The following HMGCLL1 variants were observed in gnomAD, a reference collection of about 807,000 sequenced individuals.
HMGCLL1 encodes 3-hydroxy-3-methylglutaryl-CoA lyase like 1, also known as 3-hydroxymethyl-3-methylglutaryl-CoA lyase, cytoplasmic.
In HMGCLL1, 36 loss-of-function variants were observed where a neutral mutation model predicts 39.1. That is an observed-to-expected ratio of 0.92 (90% CI 0.71 to 1.22). HMGCLL1 has a LOEUF of 1.22. Ranked by LOEUF, HMGCLL1 falls within the 50% of genes most tolerant of loss-of-function variation. The probability of loss-of-function intolerance (pLI) is 0.00; values close to 1 mark genes in which losing one functional copy is unlikely to be tolerated. For synonymous variants in HMGCLL1, 149 were observed against 144.0 expected, an observed-to-expected ratio of 1.03 and a Z score of -0.25; for missense variants, 451 against 416.5, an observed-to-expected ratio of 1.08 and a Z score of -0.72.
chr6:55,609,565 C>T, the HMGCLL1 span, among the ~76,000 whole-genome samples: 2 of 152,132 alleles, frequency 1.3e-5, no homozygotes, highest in African/African-American at 4.8e-5. Context: ...TAACCATAGC[C>T]TCCATGGACC....
the HMGCLL1 span, among the ~76,000 whole-genome samples, chr6:55,678,866 A>G: frequency 2.0e-5 from 3 of 152,222 alleles, no homozygotes; most frequent in Non-Finnish European, 4.4e-5. Flanking sequence ...AAGCATTATT[A>G]AATATTATTG....
At chr6:55,643,704 G>T in the HMGCLL1 span, among the ~76,000 whole-genome samples, 1 of 152,004 alleles carries the variant, frequency 6.6e-6, no homozygotes, top group Admixed American at 6.6e-5. Flanking sequence ...GTGAGAACAT[G>T]CAATGTTTGT....
the HMGCLL1 span, among the ~76,000 whole-genome samples, chr6:55,667,402 G>A: frequency 1.3e-5 from 2 of 151,770 alleles, no homozygotes; most frequent in East Asian, 1.9e-4. Flanking sequence ...AATCCTCTCA[G>A]TAATTCTATA....
chr6:55,570,461 C>T (rs1053682546), intron 1 of HMGCLL1, among the ~76,000 whole-genome samples: 1 of 152,160 alleles, frequency 6.6e-6, no homozygotes, highest in Non-Finnish European at 1.5e-5. Flanking sequence ...CTTGAAGACT[C>T]CCACTTCTTT....
At chr6:55,530,465 A>G (rs1273293315) in intron 3 of HMGCLL1, among the ~76,000 whole-genome samples, 1 of 152,084 alleles carries the variant, frequency 6.6e-6, no homozygotes, top group Non-Finnish European at 1.5e-5. Flanking sequence ...TATAATTCCA[A>G]TCAGTGATGA....
chr6:55,468,210 T>C (rs987489273), intron 7 of HMGCLL1, among the ~76,000 whole-genome samples: 10 of 152,034 alleles, frequency 6.6e-5, no homozygotes, highest in African/African-American at 1.9e-4. Context: ...ACGATGTATA[T>C]TGTAAGGCAA....
chr6:55,599,130 GA>G, the HMGCLL1 span, among the ~76,000 whole-genome samples: 1 of 152,082 alleles, frequency 6.6e-6, no homozygotes, highest in Non-Finnish European at 1.5e-5. Context: ...CGGGGCTAGG[GA>G]AGGGATAGCA....
intron 1 of HMGCLL1, among the ~76,000 whole-genome samples, chr6:55,548,144 A>T (rs545849226): frequency 2.0e-5 from 3 of 152,072 alleles, no homozygotes; most frequent in African/African-American, 7.2e-5. Context: ...TTAACTTACT[A>T]CATCAAAAAG....
chr6:55,553,267 G>GTGTGTGTGTGTGTGTGTA (rs1278805027), intron 1 of HMGCLL1, among the ~76,000 whole-genome samples: 2 of 151,046 alleles, frequency 1.3e-5, no homozygotes, highest in Non-Finnish European at 3.0e-5. Flanking sequence ...GTGTGTGTGT[G>GTGTGTGTGTGTGTGTGTA]TGTATGTATG....
At chr6:55,541,332 C>G (rs1450334380) in intron 3 of HMGCLL1, among the ~76,000 whole-genome samples, 9 of 152,150 alleles carry the variant, frequency 5.9e-5, no homozygotes, top group Admixed American at 5.9e-4. Context: ...CCATTTCTCA[C>G]TCTTCAATAT....
chr6:55,591,439 G>C, the HMGCLL1 span, among the ~76,000 whole-genome samples: 46 of 152,024 alleles, frequency 3.0e-4, no homozygotes, highest in African/African-American at 1.1e-3. Context: ...AATCATGCCT[G>C]GTGGGGGTGG....
chr6:55,468,772 G>A (rs1169120488), intron 7 of HMGCLL1, among the ~76,000 whole-genome samples: 1 of 151,916 alleles, frequency 6.6e-6, no homozygotes, highest in Non-Finnish European at 1.5e-5. Context: ...TAGAGGCAGT[G>A]CTTGTAACTA....
intron 1 of HMGCLL1, among the ~76,000 whole-genome samples, chr6:55,557,924 T>G (rs968289379): frequency 1.3e-5 from 2 of 152,096 alleles, no homozygotes; most frequent in African/African-American, 4.8e-5. Context: ...GCTGAACAAG[T>G]GAGAAACAGG....
chr6:55,543,461 C>CATATATCTATATGATATATATG (rs1491548543), intron 1 of HMGCLL1, among the ~76,000 whole-genome samples: 1 of 91,094 alleles, frequency 1.1e-5, no homozygotes, highest in African/African-American at 4.8e-5. Flanking sequence ...TGATATATAT[C>CATATATCTATATGATATATATG]ATATATATCA....
At chr6:55,612,292 A>G in the HMGCLL1 span, among the ~76,000 whole-genome samples, 1 of 152,180 alleles carries the variant, frequency 6.6e-6, no homozygotes, top group South Asian at 2.1e-4. Flanking sequence ...TCAAGGAAAT[A>G]AGAGAGGACA....
chr6:55,567,407 A>C (rs2127474099), intron 1 of HMGCLL1, among the ~76,000 whole-genome samples: 1 of 152,182 alleles, frequency 6.6e-6, no homozygotes, highest in Non-Finnish European at 1.5e-5. Flanking sequence ...CACACACACA[A>C]CTAAATGAAT....
At chr6:55,452,778 C>T (rs1764157451) in intron 7 of HMGCLL1, among the ~76,000 whole-genome samples, 2 of 152,056 alleles carry the variant, frequency 1.3e-5, no homozygotes, top group Non-Finnish European at 1.5e-5. Flanking sequence ...TTTTTGTTTA[C>T]GGTAGCCTGA....
intron 7 of HMGCLL1, among the ~76,000 whole-genome samples, chr6:55,482,153 G>T (rs1222048676): frequency 4.6e-5 from 7 of 152,182 alleles, no homozygotes; most frequent in African/African-American, 1.4e-4. Context: ...CTTTAAGTAA[G>T]CAAACAAACA....
the HMGCLL1 span, among the ~76,000 whole-genome samples, chr6:55,611,283 C>T: frequency 6.6e-6 from 1 of 152,136 alleles, no homozygotes; most frequent in Non-Finnish European, 1.5e-5. Context: ...AAATTTATAG[C>T]ACTGAATGTT....
Sources: allele counts gnomAD v4.1 joint callset (sites outside exome capture counted in the v4.1 genomes callset), GRCh38; gene constraint gnomAD v4.1.1; transcripts MANE v1.5; gene names NCBI Gene and HGNC (gene_info 2026-07-23, HGNC 2026-07-21).